NEBL: variants seen among roughly 807,000 people sequenced by gnomAD.
The protein encoded by NEBL is LIM and SH3 protein 2.
In NEBL, 122 loss-of-function variants were observed where a neutral mutation model predicts 140.2. The ratio of observed to expected loss-of-function variants is 0.87; its 90% CI spans 0.75 to 1.01. NEBL has a LOEUF of 1.01. NEBL is among the 50% of genes least tolerant of loss of function. NEBL has a pLI of 0.00. For missense variants in NEBL, 1,365 were observed against 1,231.3 expected, an observed-to-expected ratio of 1.11 and a Z score of -1.62; for synonymous variants, 436 against 398.9, an observed-to-expected ratio of 1.09 and a Z score of -1.11.
rs536395534 is a variant in NEBL, at chr10:20,952,271, T to C, written c.357+9401A>G. Among the ~76,000 whole-genome samples the C allele has an allele frequency of 3.3e-5, 5 of 152,042 alleles. No homozygotes were observed. The South Asian group carries it at 1.0e-3, about 32-fold the overall frequency. On this transcript the variant is annotated intron_variant, in intron 4 of 6. Coordinates refer to the NEBL transcript ENST00000417816. ...GGCCAACACGGTAAAACCCCGTCTC[T>C]ACTAAAAATATAAAAATTAGCTGGG...
At chr10:21,241,573 A>G (rs1842440491) in intron 3 of NEBL, among the ~76,000 whole-genome samples, 1 of 152,194 alleles carries the variant, frequency 6.6e-6, no homozygotes, top group South Asian at 2.1e-4. Flanking sequence ...CTTCCAGAAC[A>G]TTCTGTTTGT....
chr10:21,151,750 A>G (rs1021880849), intron 2 of NEBL, among the ~76,000 whole-genome samples: 1 of 152,012 alleles, frequency 6.6e-6, no homozygotes, highest in Non-Finnish European at 1.5e-5. Flanking sequence ...TGCCTATACC[A>G]GGTTTTGCTC....
chr10:21,121,345 T>C (rs983145903), intron 2 of NEBL, among the ~76,000 whole-genome samples: 1 of 151,830 alleles, frequency 6.6e-6, no homozygotes, highest in Admixed American at 6.6e-5. Flanking sequence ...CTTCCAAGGT[T>C]CAGTCCCTAC....
chr10:21,215,462 T>C (rs1260768290), intron 3 of NEBL, among the ~76,000 whole-genome samples: 2 of 152,126 alleles, frequency 1.3e-5, no homozygotes, highest in Admixed American at 1.3e-4. Context: ...AGCAAAACAA[T>C]ACAAACTCAT....
intron 2 of NEBL, among the ~76,000 whole-genome samples, chr10:21,043,457 T>C (rs1834359018): frequency 6.6e-6 from 1 of 152,228 alleles, no homozygotes; most frequent in South Asian, 2.1e-4. Context: ...ACTTTCTCAT[T>C]TAAAAGGGAC....
At chr10:21,025,233 T>C (rs1838978033) in intron 2 of NEBL, among the ~76,000 whole-genome samples, 3 of 152,122 alleles carry the variant, frequency 2.0e-5, no homozygotes, top group Non-Finnish European at 2.9e-5. Context: ...AAATATGACA[T>C]GTAACGCATT....
At chr10:20,867,247 A>T (rs189540584) in intron 7 of NEBL, among the ~76,000 whole-genome samples, 17 of 152,240 alleles carry the variant, frequency 1.1e-4, no homozygotes, top group Admixed American at 9.2e-4. Context: ...ACTTTGAAAG[A>T]GTTAACATTT....
intron 2 of NEBL, among the ~76,000 whole-genome samples, chr10:21,115,011 T>A (rs58052801): frequency 0.015 from 2,290 of 152,148 alleles, 53 homozygotes; most frequent in African/African-American, 0.052. Context: ...TAATTAAGTG[T>A]TTTTTATGAT....
chr10:21,034,727 T>G (rs1163975074), intron 2 of NEBL, among the ~76,000 whole-genome samples: 1 of 152,198 alleles, frequency 6.6e-6, no homozygotes, highest in East Asian at 1.9e-4. Flanking sequence ...TTTTATACAT[T>G]AAATTCATTT....
intron 3 of NEBL, among the ~76,000 whole-genome samples, chr10:21,206,992 TAGACAG>T (rs1841837621): frequency 7.2e-6 from 1 of 138,576 alleles, no homozygotes. Flanking sequence ...TTTTTTTTTT[TAGACAG>T]AGTCTTGCTC....
At chr10:20,934,699 C>G (rs565741648) in intron 4 of NEBL, among the ~76,000 whole-genome samples, 2 of 152,298 alleles carry the variant, frequency 1.3e-5, no homozygotes, top group Admixed American at 1.3e-4. Context: ...TTTAAGCCCC[C>G]TCTCTGCTAC....
chr10:21,245,010 T>G (rs1308554420), intron 3 of NEBL, among the ~76,000 whole-genome samples: 3 of 141,498 alleles, frequency 2.1e-5, no homozygotes, highest in Non-Finnish European at 3.1e-5. Context: ...AAAAAAAAAT[T>G]TAATTAGCCA....
In NEBL at chr10:20,828,767, GA is replaced by G; in HGVS notation, c.1672-134del. On this transcript the variant is annotated intron_variant, in intron 16 of 27. Coordinates refer to ENST00000377122, the MANE Select transcript of NEBL (RefSeq NM_006393.3). ...CTGTTTTTACTGACTTACACTCCCA[GA>G]GAGAGAGAGAGAGAGGTGGAGAGAC... is the stretch of plus-strand genomic sequence containing the variant. 1.5e-5 allele frequency: 5 copies of G among 322,592 alleles called. No homozygotes were observed. The Admixed American group carries it at 2.0e-4, about 13-fold the overall frequency. The allele number at this position is 322,592 out of a possible 1,614,324, so 20.0% of individuals were successfully genotyped here.
chr10:21,155,899 A>C (rs1247797994), intron 2 of NEBL, among the ~76,000 whole-genome samples: 1 of 152,112 alleles, frequency 6.6e-6, no homozygotes, highest in African/African-American at 2.4e-5. Flanking sequence ...ATTAACGCCC[A>C]CTGCATGACA....
At chr10:20,978,436 A>G (rs1423688702) in intron 3 of NEBL, among the ~76,000 whole-genome samples, 2 of 152,152 alleles carry the variant, frequency 1.3e-5, no homozygotes, top group East Asian at 1.9e-4. Context: ...TAACCAAAAA[A>G]AAAAACGAGT....
At chr10:21,190,991 T>C (rs1841564305) in intron 3 of NEBL, among the ~76,000 whole-genome samples, 1 of 152,204 alleles carries the variant, frequency 6.6e-6, no homozygotes, top group Admixed American at 6.5e-5. Flanking sequence ...TTGCTTTCTG[T>C]TCATTTGTTC....
intron 2 of NEBL, chr10:21,113,379 C>A: frequency 4.9e-6 from 2 of 405,720 alleles, no homozygotes; most frequent in South Asian, 2.0e-5. Flanking sequence ...TGCAAACAAA[C>A]ACAGAAAAAG....
At position 20,831,253 on chromosome 10, in the gene NEBL, C is replaced by T. The variant is rs1840384699; in HGVS notation, c.1614G>A (p.Val538=). The change falls in exon 16 of 28, where the codon GTG becomes GTA. Residue 538 remains valine (V), a synonymous_variant. Coordinates refer to ENST00000377122, the MANE Select transcript of NEBL (RefSeq NM_006393.3). ...ENEIKGKGMQ[V]SMDIPDILRA... is the part of the protein sequence containing the mutation. ...GAAGGATATCTGGGATATCCATGCT[C>T]ACTTGCATTCCTTTCCCTTTAATTT... 4 of 1,613,658 alleles carry T rather than the reference C, an allele frequency of 2.5e-6. No individual in the cohort carries two copies. In the South Asian group the frequency reaches 4.4e-5, roughly 18 times the overall value.
At chr10:20,805,213 C>A (rs1288750231) in intron 26 of NEBL, among the ~76,000 whole-genome samples, 1 of 152,086 alleles carries the variant, frequency 6.6e-6, no homozygotes, top group Non-Finnish European at 1.5e-5. Flanking sequence ...AAGGAGATTT[C>A]TGCAGGGAAG....
Sources: allele counts gnomAD v4.1 joint callset (sites outside exome capture counted in the v4.1 genomes callset), GRCh38; gene constraint gnomAD v4.1.1; transcripts MANE v1.5; gene names NCBI Gene and HGNC (gene_info 2026-07-23, HGNC 2026-07-21).